The following ZNF43 variants were observed in gnomAD, a reference collection of about 807,000 sequenced individuals.
ZNF43 encodes the protein zinc finger protein 39-like 1 (KOX 27).
In ZNF43, 44 loss-of-function variants were observed where a neutral mutation model predicts 68.4. That is an observed-to-expected ratio of 0.64 (90% CI 0.51 to 0.83). The LOEUF (loss-of-function observed/expected upper bound fraction) is 0.83, where lower values mean the gene tolerates loss of function less well. Ranked by LOEUF, ZNF43 falls within the 40% of genes least tolerant of loss-of-function variation. ZNF43 has a pLI of 0.00. For missense variants in ZNF43, 896 were observed against 933.2 expected (o/e 0.96, Z 0.52); for synonymous variants, 308 against 307.8 (o/e 1.00, Z -0.01).
chr19:21,839,158 T>C (rs1362127388), upstream of ZNF43, among the ~76,000 whole-genome samples: 2 of 151,786 alleles, frequency 1.3e-5, no homozygotes, highest in African/African-American at 4.8e-5. Flanking sequence ...ATTTCACAAT[T>C]ATCCTTTGTA....
chr19:21,836,063 C>G lies in ZNF43; in HGVS notation c.-25G>C. The stretch of plus-strand genomic sequence containing the variant: ...TTTCTAGGCTTCCGGGGGGTCCTGG[C>G]GTCTTAGCTGTGGATCCCCCAATAC... On this transcript the variant is annotated 5_prime_UTR_variant, in exon 1 of 4. Transcript: ENST00000354959. 6.2e-7 allele frequency: 1 copy of G among 1,613,780 alleles called. No homozygotes were observed. Among genetic ancestry groups the G allele is most frequent in the East Asian group, 2.2e-5 (1 of 44,874 alleles).
intron 1 of ZNF43, among the ~76,000 whole-genome samples, chr19:21,829,032 C>CAAAAAAAAAAAAAA (rs551226809): frequency 7.2e-4 from 28 of 38,812 alleles, no homozygotes; most frequent in African/African-American, 1.6e-3. Context: ...GACTCTGTCT[C>CAAAAAAAAAAAAAA]AAAAAAAAAA....
At chr19:21,825,471 T>C (rs1006952268) in intron 1 of ZNF43, among the ~76,000 whole-genome samples, 4 of 152,216 alleles carry the variant, frequency 2.6e-5, no homozygotes, top group Non-Finnish European at 5.9e-5. Context: ...CTCATTTTAA[T>C]GTCTCTGAGT....
In ZNF43 at chr19:21,808,538, T is replaced by C. The variant is rs897859037; in HGVS notation, c.1499A>G (p.His500Arg). 3 of 1,613,500 alleles carry C rather than the reference T, an allele frequency of 1.9e-6. No homozygotes were observed. The highest frequency in any genetic ancestry group is 2.2e-5 in the East Asian group (1 of 44,834). The change falls in exon 4 of 4, where the codon CAT becomes CGT. Residue 500 changes from histidine (H) to arginine (R), a missense_variant. His to Arg is a conservative substitution (Grantham distance 29, BLOSUM62 0). Transcript: ENST00000354959. ...TTTCTTTTCAATGTGAATTTTCTTA[T>C]GTTTAGTAAGGTTTGAGGACCGGCT... ...AFSRSSNLTK[H>R]KKIHIEKKPY...
chr19:21,811,844 C>T (rs1018919591), intron 3 of ZNF43, among the ~76,000 whole-genome samples: 2 of 151,946 alleles, frequency 1.3e-5, no homozygotes, highest in Admixed American at 1.3e-4. Context: ...ATTATATATA[C>T]AAATATTTTA....
chr19:21,808,630 A>C lies in ZNF43; in HGVS notation c.1407T>G (p.Leu469=). 1.9e-6 allele frequency: 3 copies of C among 1,613,410 alleles called. No homozygotes were observed. The highest frequency in any genetic ancestry group is 2.5e-6 in the Non-Finnish European group (3 of 1,179,690). Residue 469 remains leucine (L), a synonymous_variant, in exon 4 of 4, where the codon CTT becomes CTG. Coordinates refer to ENST00000354959, the MANE Select transcript of ZNF43 (RefSeq NM_003423.4). ...CGKAFNQFSN[L]TTHKRIHTAE... ...CAGTATGAATTCTCTTATGTGTAGT[A>C]AGGTTTGAGAACTGGTTAAAGGCTT...
intron 3 of ZNF43, among the ~76,000 whole-genome samples, chr19:21,811,546 A>C (rs2037271650): frequency 2.0e-5 from 3 of 150,792 alleles, no homozygotes; most frequent in East Asian, 1.9e-4. Context: ...AAAAAAAAAA[A>C]CAAAAAAAAA....
chr19:21,851,518 C>T (rs1357842322), intron 1 of ZNF43, among the ~76,000 whole-genome samples: 2 of 129,662 alleles, frequency 1.5e-5, no homozygotes, highest in Non-Finnish European at 3.1e-5. Flanking sequence ...TCAGCCTGGG[C>T]GACATAGCAA....
chr19:21,822,235 C>T (rs1466473866), intron 1 of ZNF43, among the ~76,000 whole-genome samples: 2 of 152,276 alleles, frequency 1.3e-5, no homozygotes, highest in African/African-American at 4.8e-5. Flanking sequence ...ATGGGCCACA[C>T]TGTCCTGTCC....
intron 1 of ZNF43, among the ~76,000 whole-genome samples, chr19:21,844,910 AAAAAAAAAAAAATATAT>A (rs1967808955): frequency 8.5e-6 from 1 of 118,302 alleles, no homozygotes; most frequent in Non-Finnish European, 1.7e-5. Flanking sequence ...AAAAAAAAAA[AAAAAAAAAAAAATATAT>A]ATATATATAT....
intron 1 of ZNF43, among the ~76,000 whole-genome samples, chr19:21,844,759 T>C (rs1028038184): frequency 6.6e-6 from 1 of 150,852 alleles, no homozygotes; most frequent in African/African-American, 2.4e-5. Flanking sequence ...TAGCCAGGCA[T>C]GGTGGCAGAC....
chr19:21,849,576 G>A (rs187454892), intron 1 of ZNF43, among the ~76,000 whole-genome samples: 60 of 150,284 alleles, frequency 4.0e-4, no homozygotes, highest in African/African-American at 1.2e-3. Flanking sequence ...TGGGGAGGCC[G>A]AGGTGGGTGG....
chr19:21,840,265 T>C (rs1967430369), upstream of ZNF43: 1 of 152,274 alleles, frequency 6.6e-6, no homozygotes, highest in Non-Finnish European at 1.5e-5. Flanking sequence ...GATTCAGCAA[T>C]GTGTCACAAT....
rs1168980747 is a variant in ZNF43 at position 21,807,839 on chromosome 19, G to C, written c.2198C>G (p.Pro733Arg). ...EHKKIHTGEQ[P>R]YKCEECGKAF... ...TTTGCCACATTCTTCACATTTGTAG[G>C]GTTGCTCTCCAGTATGAATTTTCTT... The change falls in exon 4 of 4, where the codon CCC becomes CGC. Residue 733 changes from proline (P) to arginine (R), a missense_variant. Coordinates refer to ENST00000354959, the MANE Select transcript of ZNF43 (RefSeq NM_003423.4). The C allele has an allele frequency of 1.2e-6, 2 of 1,613,074 alleles. No individual in the cohort carries two copies.
chr19:21,851,721 C>T (rs1177178807), intron 1 of ZNF43, among the ~76,000 whole-genome samples: 1 of 152,098 alleles, frequency 6.6e-6, no homozygotes, highest in Non-Finnish European at 1.5e-5. Flanking sequence ...GACAGGGTAC[C>T]GCGCAGGAAT....
At chr19:21,837,055 C>T (rs953325158), upstream of ZNF43, among the ~76,000 whole-genome samples, 3 of 152,290 alleles carry the variant, frequency 2.0e-5, no homozygotes, top group African/African-American at 4.8e-5. Flanking sequence ...AAGTTTAGAT[C>T]TCCTGACTTT....
At position 21,808,245 on chromosome 19, in the gene ZNF43, C is replaced by T. The variant is rs1322616094; in HGVS notation, c.1792G>A (p.Glu598Lys). ...HTGEKFYKCE[E>K]CGKAFTQSSN... ...GATTGGGTAAAAGCTTTGCCACATT[C>T]TTCACATTTGTAGAATTTCTCTCCA... The change falls in exon 4 of 4, where the codon GAA becomes AAA. Residue 598 changes from glutamate (E) to lysine (K), a missense_variant. Glu to Lys is a moderately conservative substitution (Grantham distance 56, BLOSUM62 1). Coordinates refer to ENST00000354959, the MANE Select transcript of ZNF43 (RefSeq NM_003423.4). The T allele has an allele frequency of 1.2e-6, 2 of 1,613,222 alleles. No homozygotes were observed. The highest frequency in any genetic ancestry group is 1.3e-5 in the African/African-American group (1 of 74,800).
chr19:21,845,033 C>A (rs1241325655), intron 1 of ZNF43, among the ~76,000 whole-genome samples: 1 of 145,246 alleles, frequency 6.9e-6, no homozygotes, highest in Admixed American at 7.0e-5. Flanking sequence ...ATGTCACAAT[C>A]TTTTTTGAGT....
chr19:21,851,812 G>A lies in ZNF43; in HGVS notation c.30+93C>T, dbSNP rs138169704. Reference sequence around the variant, plus strand: ...GGGCCTGGGGCGGAGCTGCGCCAGCGACCAGGACTCAGGAGCGGACTGTGA... The same window carrying A: ...GGGCCTGGGGCGGAGCTGCGCCAGCAACCAGGACTCAGGAGCGGACTGTGA... On this transcript the variant is annotated intron_variant, in intron 1 of 3. Coordinates refer to the ZNF43 transcript ENST00000357491. 7.0e-4 allele frequency: 965 copies of A among 1,375,468 alleles called. 10 individuals carry two copies. The East Asian group carries it at 0.022, about 32-fold the overall frequency. The allele number at this position is 1,375,468 out of a possible 1,614,324, so 85.2% of individuals were successfully genotyped here. A position where few individuals can be genotyped will look rare whatever the true frequency, so the allele number is the denominator to read the frequency against.
Sources: allele counts gnomAD v4.1 joint callset (sites outside exome capture counted in the v4.1 genomes callset), GRCh38; gene constraint gnomAD v4.1.1; transcripts MANE v1.5; gene names NCBI Gene and HGNC (gene_info 2026-07-23, HGNC 2026-07-21).